CTNNA2: variants seen among roughly 807,000 people sequenced by gnomAD.
The protein encoded by CTNNA2 is catenin alpha-2.
In CTNNA2, 42 loss-of-function variants were observed where a neutral mutation model predicts 101.0. The observed-to-expected ratio is 0.42, with a 90% CI of 0.32 to 0.54. CTNNA2 has a LOEUF of 0.54. Among genes scored for constraint, CTNNA2 ranks in the 20% least tolerant of loss-of-function variants. The pLI is 0.14. For synonymous variants in CTNNA2, 450 were observed against 456.4 expected, an observed-to-expected ratio of 0.99 and a Z score of 0.18; for missense variants, 871 against 1,223.1, an observed-to-expected ratio of 0.71 and a Z score of 4.29.
chr2:79,549,758 G>A (rs1004360235), intron 1 of CTNNA2, among the ~76,000 whole-genome samples: 1 of 152,100 alleles, frequency 6.6e-6, no homozygotes, highest in East Asian at 1.9e-4. Flanking sequence ...GCCAGATGGT[G>A]TATTAATTGG....
At chr2:79,543,557 G>A (rs1378088754) in intron 1 of CTNNA2, among the ~76,000 whole-genome samples, 4 of 152,084 alleles carry the variant, frequency 2.6e-5, no homozygotes, top group Non-Finnish European at 4.4e-5. Context: ...TTTTCAATCT[G>A]ACAACTTTTT....
chr2:80,108,618 C>T (rs1701027341), intron 7 of CTNNA2, among the ~76,000 whole-genome samples: 1 of 152,184 alleles, frequency 6.6e-6, no homozygotes, highest in Non-Finnish European at 1.5e-5. Flanking sequence ...ATCTGCCTTC[C>T]TCAGGCTATG....
chr2:80,371,544 AG>A (rs1284759616), intron 7 of CTNNA2, among the ~76,000 whole-genome samples: 2 of 145,406 alleles, frequency 1.4e-5, no homozygotes, highest in East Asian at 4.1e-4. Context: ...ATAATGTTTG[AG>A]GAAATCAGGG....
intron 3 of CTNNA2, among the ~76,000 whole-genome samples, chr2:79,370,400 A>C (rs1677842752): frequency 3.3e-5 from 5 of 152,212 alleles, no homozygotes; most frequent in Admixed American, 3.3e-4. Context: ...AATCCCAGCC[A>C]AAACTCCTGA....
In CTNNA2 at chr2:79,461,374, G is replaced by A. The variant is rs1194493515; in HGVS notation, c.-134-43680G>A. Among the ~76,000 whole-genome samples the A allele has an allele frequency of 1.8e-4, 27 of 152,194 alleles. 1 individual carries two copies. Among genetic ancestry groups the A allele is most frequent in the Admixed American group, 1.8e-3 (27 of 15,278 alleles). On this transcript the variant is annotated intron_variant, in intron 4 of 21. Coordinates refer to the CTNNA2 transcript ENST00000466387. ...CTTCACTTGGATACTTCAGAAGAGAGGTTCCCTGGCAGTGTGCGAGTGCTT... is the reference window on the plus strand; with the variant it reads ...CTTCACTTGGATACTTCAGAAGAGAAGTTCCCTGGCAGTGTGCGAGTGCTT...
chr2:79,631,080 G>A (rs72923331), intron 1 of CTNNA2, among the ~76,000 whole-genome samples: 6,076 of 150,386 alleles, frequency 0.04, 389 homozygotes, highest in African/African-American at 0.14. Flanking sequence ...TTTTTCTGTT[G>A]CATTTATTTT....
At chr2:79,649,909 T>G (rs550071871) in intron 1 of CTNNA2, among the ~76,000 whole-genome samples, 37 of 152,268 alleles carry the variant, frequency 2.4e-4, no homozygotes, top group African/African-American at 8.2e-4. Context: ...TTTCTACTAG[T>G]GCCTATTGTG....
chr2:79,286,332 C>A (rs904290769), intron 2 of CTNNA2, among the ~76,000 whole-genome samples: 3 of 152,142 alleles, frequency 2.0e-5, no homozygotes, highest in Admixed American at 2.0e-4. Flanking sequence ...TTAGTTCATG[C>A]GGTTTCTTCC....
At chr2:79,723,013 A>T (rs569635144) in intron 2 of CTNNA2, among the ~76,000 whole-genome samples, 1 of 152,370 alleles carries the variant, frequency 6.6e-6, no homozygotes, top group South Asian at 2.1e-4. Flanking sequence ...GTAAGTAAAT[A>T]TGGTGAAATA....
Position 80,302,058 on chromosome 2 carries a change from T to A in CTNNA2, c.1057-91153T>A. On this transcript the variant is annotated intron_variant, in intron 7 of 18. Transcript: ENST00000402739. This position sits in a 1 kb window ranked among gnomAD's most constrained non-coding sequence, Gnocchi z 6.4. ...AAGGTTGTGGGGTGGGGTTTTTTGT[T>A]GTGTTTTAATTCGCTTTTGTTTTTA... 1.4e-6 allele frequency: 1 copy of A among 696,004 alleles called. No individual in the cohort carries two copies. The highest frequency in any genetic ancestry group is 1.8e-5 in the African/African-American group (1 of 55,948). 43.1% of individuals were successfully genotyped at this position (696,004 alleles called of 1,614,324 possible). A position where few individuals can be genotyped will look rare whatever the true frequency, so the allele number is the denominator to read the frequency against.
chr2:79,369,443 A>T (rs140882167), intron 3 of CTNNA2, among the ~76,000 whole-genome samples: 1 of 152,012 alleles, frequency 6.6e-6, no homozygotes, highest in Non-Finnish European at 1.5e-5. Flanking sequence ...TGCTTCCAAT[A>T]TCGTCTTGGC....
Position 79,958,228 on chromosome 2 carries a change from C to A in CTNNA2, c.1056+48431C>A, listed in dbSNP as rs116711006. Among the ~76,000 whole-genome samples the A allele has an allele frequency of 5.5e-3, 839 of 152,058 alleles. 6 individuals are homozygous for A. The highest frequency in any genetic ancestry group is 9.1e-3 in the Admixed American group (139 of 15,254). ...CACTTTTTTCCTTTTTCTTTTTTAA[C>A]CTTGTACATTAGGCAGAACAGACCC... On this transcript the variant is annotated intron_variant, in intron 7 of 18. Coordinates refer to ENST00000402739, the MANE Select transcript of CTNNA2 (RefSeq NM_001282597.3).
At chr2:80,102,384 A>T (rs1700598202) in intron 7 of CTNNA2, among the ~76,000 whole-genome samples, 1 of 152,130 alleles carries the variant, frequency 6.6e-6, no homozygotes, top group Non-Finnish European at 1.5e-5. Flanking sequence ...CTCCAGGACA[A>T]TCTGGCCAAT....
chr2:80,162,431 T>C, intron 7 of CTNNA2: 2 of 1,548,178 alleles, frequency 1.3e-6, no homozygotes, highest in South Asian at 1.2e-5. Flanking sequence ...ATAAAAACAA[T>C]GTGCTTTTAA....
intron 4 of CTNNA2, among the ~76,000 whole-genome samples, chr2:79,869,073 A>C (rs1240292471): frequency 6.6e-6 from 1 of 152,116 alleles, no homozygotes; most frequent in Non-Finnish European, 1.5e-5. Context: ...TCAAAACTTA[A>C]ATTATTTATA....
chr2:79,314,131 C>A (rs1404302366), intron 3 of CTNNA2, among the ~76,000 whole-genome samples: 3 of 152,118 alleles, frequency 2.0e-5, no homozygotes, highest in Non-Finnish European at 4.4e-5. Context: ...GCCCTCTAGA[C>A]TCAGCCACTC....
intron 7 of CTNNA2, among the ~76,000 whole-genome samples, chr2:80,248,460 A>AC (rs1437699559): frequency 6.6e-6 from 1 of 152,202 alleles, no homozygotes; most frequent in Admixed American, 6.5e-5. Context: ...GTAACATCTA[A>AC]CTAAGGGTTT....
intron 8 of CTNNA2, among the ~76,000 whole-genome samples, chr2:80,404,498 A>G (rs1445422753): frequency 6.6e-6 from 1 of 152,228 alleles, no homozygotes; most frequent in African/African-American, 2.4e-5. Flanking sequence ...TTATTTTAAA[A>G]GCAGACTAGT....
At chr2:79,837,798 C>G (rs890749868) in intron 3 of CTNNA2, among the ~76,000 whole-genome samples, 1 of 151,772 alleles carries the variant, frequency 6.6e-6, no homozygotes, top group African/African-American at 2.4e-5. Flanking sequence ...AACATTTAGC[C>G]TATGGGAAAA....
Sources: allele counts gnomAD v4.1 joint callset (sites outside exome capture counted in the v4.1 genomes callset), GRCh38; gene constraint gnomAD v4.1.1; non-coding constraint Gnocchi (gnomAD v3.1); transcripts MANE v1.5; gene names NCBI Gene and HGNC (gene_info 2026-07-23, HGNC 2026-07-21).